Variants in GRIA2 observed in about 807,000 individuals in gnomAD.
The protein encoded by GRIA2 is glutamate ionotropic receptor AMPA type subunit 2.
GRIA2 carries 14 observed loss-of-function variants against 97.3 expected under a neutral mutation model. The ratio of observed to expected loss-of-function variants is 0.14; its 90% CI spans 0.10 to 0.23. GRIA2 has a LOEUF of 0.23. GRIA2 is among the 10% of genes least tolerant of loss of function. The pLI, the probability that GRIA2 is intolerant of heterozygous loss-of-function variation, is 1.00. For synonymous variants in GRIA2, 412 were observed against 387.8 expected (o/e 1.06, Z -0.73); for missense variants, 558 against 1,069.8 (o/e 0.52, Z 6.67).
chr4:157,295,058 T>C (rs1257097884), intron 2 of GRIA2, among the ~76,000 whole-genome samples: 2 of 152,152 alleles, frequency 1.3e-5, no homozygotes, highest in African/African-American at 2.4e-5. Context: ...CACATGAGAA[T>C]TATTGCCTAT....
At chr4:157,274,201 C>G (rs996044861) in intron 2 of GRIA2, among the ~76,000 whole-genome samples, 8 of 151,750 alleles carry the variant, frequency 5.3e-5, no homozygotes, top group Non-Finnish European at 1.0e-4. Context: ...GCCGGTAGAC[C>G]TACCTTGCAA....
intron 2 of GRIA2, among the ~76,000 whole-genome samples, chr4:157,282,501 G>C (rs1732651259): frequency 6.6e-6 from 1 of 152,056 alleles, no homozygotes; most frequent in South Asian, 2.1e-4. Context: ...TAGTGTGGGG[G>C]ATTGTTGACA....
At chr4:157,248,399 T>C (rs1214834629) in intron 2 of GRIA2, among the ~76,000 whole-genome samples, 1 of 149,738 alleles carries the variant, frequency 6.7e-6, no homozygotes, top group Non-Finnish European at 1.5e-5. Flanking sequence ...AAATAATTAA[T>C]ATATTCAAAA....
intron 6 of GRIA2, among the ~76,000 whole-genome samples, chr4:157,321,900 C>G (rs578065159): frequency 6.6e-6 from 1 of 152,044 alleles, no homozygotes; most frequent in South Asian, 2.1e-4. Flanking sequence ...GAGCCAGACA[C>G]TTTTTTGGCA....
At chr4:157,318,487 C>T (rs1456710916) in intron 5 of GRIA2, among the ~76,000 whole-genome samples, 1 of 152,036 alleles carries the variant, frequency 6.6e-6, no homozygotes, top group Non-Finnish European at 1.5e-5. Context: ...TTAATCACGG[C>T]TTCTTGGGTT....
intron 2 of GRIA2, among the ~76,000 whole-genome samples, chr4:157,261,339 G>C (rs1011617401): frequency 7.2e-5 from 11 of 152,074 alleles, no homozygotes; most frequent in African/African-American, 2.7e-4. Flanking sequence ...TTCAAAATGT[G>C]GGTATGCACT....
intron 14 of GRIA2, chr4:157,362,553 G>A (rs893632222): frequency 8.4e-6 from 5 of 592,380 alleles, no homozygotes; most frequent in African/African-American, 1.8e-5. Flanking sequence ...TTTAAGAAAT[G>A]AATAAATAGA....
chr4:157,304,204 G>T (rs1386392542), intron 3 of GRIA2, among the ~76,000 whole-genome samples: 1 of 152,146 alleles, frequency 6.6e-6, no homozygotes, highest in Admixed American at 6.6e-5. Flanking sequence ...TTATCAGGCA[G>T]GTAGCATTAT....
intron 12 of GRIA2, among the ~76,000 whole-genome samples, chr4:157,353,702 A>C (rs1736121961): frequency 6.6e-6 from 1 of 152,062 alleles, no homozygotes; most frequent in Non-Finnish European, 1.5e-5. Flanking sequence ...CAAACAAACA[A>C]ACAAAAAAAC....
intron 3 of GRIA2, among the ~76,000 whole-genome samples, chr4:157,307,648 T>C (rs1385661394): frequency 6.6e-6 from 1 of 152,226 alleles, no homozygotes; most frequent in African/African-American, 2.4e-5. Flanking sequence ...GATATATATG[T>C]TGTAAGTTTG....
intron 11 of GRIA2, among the ~76,000 whole-genome samples, chr4:157,339,241 A>G (rs910972224): frequency 3.9e-5 from 6 of 152,038 alleles, no homozygotes; most frequent in Non-Finnish European, 7.4e-5. Context: ...ATATAAAAAC[A>G]TATATCATTT....
At chr4:157,315,995 C>G (rs1734302085) in intron 4 of GRIA2, among the ~76,000 whole-genome samples, 1 of 152,094 alleles carries the variant, frequency 6.6e-6, no homozygotes, top group Non-Finnish European at 1.5e-5. Flanking sequence ...GTTAGTATGG[C>G]CAGTGCAAAT....
At chr4:157,336,942 T>C (rs570125150) in intron 11 of GRIA2, among the ~76,000 whole-genome samples, 195 bp downstream of exon 11, 35 of 152,232 alleles carry the variant, frequency 2.3e-4, no homozygotes, top group African/African-American at 7.0e-4. Flanking sequence ...ATGTTGCTCA[T>C]CTATTTCTCT....
intron 6 of GRIA2, 82 bp from the exon 7 acceptor site, chr4:157,332,737 G>A (rs1735110892): frequency 4.3e-6 from 4 of 939,320 alleles, no homozygotes; most frequent in African/African-American, 3.3e-5. Flanking sequence ...TGTGTGCTGA[G>A]CAACTGCAGT....
At chr4:157,254,600 G>C (rs544108386) in intron 2 of GRIA2, among the ~76,000 whole-genome samples, 1 of 152,138 alleles carries the variant, frequency 6.6e-6, no homozygotes, top group African/African-American at 2.4e-5. Flanking sequence ...CAGCAAACAT[G>C]TTAAGAAACT....
In GRIA2 at chr4:157,235,689, A is replaced by G. The variant is rs1362853834; in HGVS notation, c.229+13882A>G. ...ATTGCAGATCTGTTAAAAAGTTTCA[A>G]TTTTTCGCATCATATTTGGAGATGA... On this transcript the variant is annotated intron_variant, in intron 2 of 15. Coordinates refer to ENST00000264426, the MANE Select transcript of GRIA2 (RefSeq NM_001083619.3). 2.0e-5 allele frequency among the ~76,000 whole-genome samples: 3 copies of G among 151,912 alleles called. No homozygotes were observed. In the East Asian group the frequency reaches 5.8e-4, roughly 29 times the overall value.
chr4:157,329,676 AAAG>A (rs1451313006), intron 6 of GRIA2, among the ~76,000 whole-genome samples: 5 of 151,954 alleles, frequency 3.3e-5, no homozygotes, highest in African/African-American at 4.8e-5. Flanking sequence ...GATAGTAACA[AAAG>A]AAGAAAATAA....
chr4:157,363,071 AC>A, intron 15 of GRIA2, 24 bp downstream of exon 15: 1 of 1,582,408 alleles, frequency 6.3e-7, no homozygotes, highest in Non-Finnish European at 8.6e-7. Context: ...TCTAATACAA[AC>A]TTTTTAGTGC....
chr4:157,302,158 A>T (rs1392688345), intron 2 of GRIA2, among the ~76,000 whole-genome samples: 1 of 149,178 alleles, frequency 6.7e-6, no homozygotes, highest in East Asian at 2.0e-4. Context: ...AGCCTGAGTG[A>T]CGAGCAGGAC....
Sources: gnomAD v4.1 joint callset for allele counts (sites outside exome capture counted in the v4.1 genomes callset) on GRCh38, gnomAD v4.1.1 for gene constraint, MANE v1.5 for transcripts, NCBI Gene and HGNC (gene_info 2026-07-23, HGNC 2026-07-21) for gene names.